GGTA1: variants seen among roughly 807,000 people sequenced by gnomAD.
GGTA1 encodes the protein inactive N-acetyllactosaminide alpha-1,3-galactosyltransferase.
A neutral mutation model predicts 2.6 loss-of-function variants in GGTA1; 5 were observed. The observed-to-expected ratio is 1.92, with a 90% CI of 1.00 to 4.04. The LOEUF is 4.04. Among genes scored for constraint, GGTA1 ranks in the 30% most tolerant of loss-of-function variants. GGTA1 has a pLI of 0.00. For synonymous variants in GGTA1, 17 were observed against 5.0 expected (o/e 3.38, Z -3.19); for missense variants, 50 against 16.7 (o/e 2.99, Z -3.47).
chr9:121,454,044 C>T (rs1018373591), downstream of GGTA1, among the ~76,000 whole-genome samples: 6 of 152,200 alleles, frequency 3.9e-5, no homozygotes, highest in Non-Finnish European at 8.8e-5. Flanking sequence ...CATTTCACCC[C>T]CAATGCTGAA....
intron 1 of GGTA1, among the ~76,000 whole-genome samples, chr9:121,490,283 T>C (rs148488660): frequency 1.3e-5 from 2 of 152,322 alleles, no homozygotes; most frequent in African/African-American, 4.8e-5. Flanking sequence ...CAGGTGGATT[T>C]TGAGTTTCAC....
chr9:121,481,236 A>G (rs10818554), intron 1 of GGTA1, among the ~76,000 whole-genome samples: 40,737 of 151,238 alleles, frequency 0.27, 6,027 homozygotes, highest in Middle Eastern at 0.37. Context: ...CAGGTAAATT[A>G]TCACCTAGTC....
At chr9:121,464,293 C>A (rs1357096933) in intron 2 of GGTA1, among the ~76,000 whole-genome samples, 1 of 150,890 alleles carries the variant, frequency 6.6e-6, no homozygotes, top group Admixed American at 6.6e-5. Context: ...GGATCCTCCT[C>A]CAAGCCAAAC....
At chr9:121,495,536 A>G (rs572660662) in intron 1 of GGTA1, among the ~76,000 whole-genome samples, 7 of 152,110 alleles carry the variant, frequency 4.6e-5, no homozygotes, top group Non-Finnish European at 1.0e-4. Flanking sequence ...AACAAGAGCA[A>G]AACTCCATCT....
intron 1 of GGTA1, among the ~76,000 whole-genome samples, chr9:121,491,570 C>G (rs1409486726): frequency 1.3e-5 from 2 of 152,040 alleles, no homozygotes; most frequent in African/African-American, 4.8e-5. Context: ...ACGCTCTGCA[C>G]TTCTTTGTGG....
intron 1 of GGTA1, among the ~76,000 whole-genome samples, chr9:121,495,028 A>C (rs1828960545): frequency 6.7e-6 from 1 of 149,660 alleles, no homozygotes; most frequent in African/African-American, 2.5e-5. Context: ...GGGTTCAAGC[A>C]ATTCTCATGC....
intron 1 of GGTA1, among the ~76,000 whole-genome samples, chr9:121,472,975 T>C (rs1361900684): frequency 6.6e-6 from 1 of 152,148 alleles, no homozygotes; most frequent in Non-Finnish European, 1.5e-5. Flanking sequence ...CTGGAGCTTA[T>C]CTATGGCTTG....
chr9:121,481,884 T>C (rs1281141301), intron 1 of GGTA1, among the ~76,000 whole-genome samples: 2 of 150,638 alleles, frequency 1.3e-5, no homozygotes, highest in Non-Finnish European at 3.0e-5. Flanking sequence ...TAATCCCAGC[T>C]ACTCAGGAGG....
At chr9:121,450,620 T>G (rs2064873836), downstream of GGTA1, among the ~76,000 whole-genome samples, 1 of 152,174 alleles carries the variant, frequency 6.6e-6, no homozygotes, top group Admixed American at 6.5e-5. Context: ...TTGGGCAACG[T>G]TTTGTTCTTT....
intron 1 of GGTA1, among the ~76,000 whole-genome samples, chr9:121,468,344 T>A (rs925273491): frequency 2.0e-5 from 3 of 152,218 alleles, no homozygotes; most frequent in Non-Finnish European, 4.4e-5. Context: ...GCAAAGGACA[T>A]GAACTCATCC....
downstream of GGTA1, among the ~76,000 whole-genome samples, chr9:121,450,567 T>TTGTGCAGAGTTGGAACTGGATGGC (rs2064873659): frequency 6.6e-6 from 1 of 152,206 alleles, no homozygotes; most frequent in Admixed American, 6.5e-5. Context: ...TACAGTTTAG[T>TTGTGCAGAGTTGGAACTGGATGGC]TGTGCAGAGT....
At chr9:121,471,464 G>C (rs1421621926) in intron 1 of GGTA1, among the ~76,000 whole-genome samples, 1 of 152,154 alleles carries the variant, frequency 6.6e-6, no homozygotes, top group African/African-American at 2.4e-5. Context: ...TTTGTTCTCT[G>C]GACACAGGTC....
In GGTA1 at chr9:121,499,122, G is replaced by T. The variant is rs984388132; in HGVS notation, c.-10+528C>A. ...CGTCTGACTGAGTCCTCGGCTCTCC[G>T]AAGCTCTCTGACATCTCCCTCTCTA... On this transcript the variant is annotated intron_variant, in intron 1 of 5. Transcript: ENST00000481799. Among the ~76,000 whole-genome samples, 14 of 151,952 alleles carry T rather than the reference G, an allele frequency of 9.2e-5. 1 individual carries two copies. Among genetic ancestry groups the T allele is most frequent in the African/African-American group, 3.4e-4 (14 of 41,386 alleles).
chr9:121,473,940 G>GGA lies in GGTA1; in HGVS notation c.-9-6011_-9-6010dup, dbSNP rs761577056. 8.1e-3 allele frequency among the ~76,000 whole-genome samples: 991 copies of GGA among 122,388 alleles called. 13 individuals are homozygous for GGA. Among genetic ancestry groups the GGA allele is most frequent in the Non-Finnish European group, 8.5e-3 (512 of 60,062 alleles). The allele number at this position is 122,388 out of a possible 152,430, so 80.3% of individuals were successfully genotyped here. A position where few individuals can be genotyped will look rare whatever the true frequency, so the allele number is the denominator to read the frequency against. On this transcript the variant is annotated intron_variant, in intron 1 of 5. Coordinates refer to ENST00000481799, the MANE Select transcript of GGTA1 (RefSeq NM_001382585.1). ...AAGAAAGAAAGAGAGAAAGAGAGAA[G>GGA]GAGAGAGAGAGAGAGAGAGGGAGGG... is the stretch of plus-strand genomic sequence containing the variant.
chr9:121,476,573 A>G lies in GGTA1; in HGVS notation c.-9-8642T>C, dbSNP rs1828515267. Among the ~76,000 whole-genome samples the G allele has an allele frequency of 6.6e-6, 1 of 151,976 alleles. No individual in the cohort carries two copies. The highest frequency in any genetic ancestry group is 1.5e-5 in the Non-Finnish European group (1 of 67,980). On this transcript the variant is annotated intron_variant, in intron 1 of 5. Transcript: ENST00000481799. The surrounding 1 kb of genome is among the most constrained non-coding windows in gnomAD (Gnocchi z 4.6). ...TTTTGAGGGCAGTTCTTTTAGCCACATAGAGCTCACCCTGCTGCAGTGACC... is the reference window on the plus strand; with the variant it reads ...TTTTGAGGGCAGTTCTTTTAGCCACGTAGAGCTCACCCTGCTGCAGTGACC...
At chr9:121,475,058 T>A (rs552028819) in intron 1 of GGTA1, among the ~76,000 whole-genome samples, 1 of 152,312 alleles carries the variant, frequency 6.6e-6, no homozygotes, top group South Asian at 2.1e-4. Flanking sequence ...CCCACTGGGC[T>A]GCATTCCCAG....
intron 2 of GGTA1, 60 bp downstream of exon 2, chr9:121,467,783 A>G (rs1374824180): frequency 2.3e-6 from 1 of 443,946 alleles, no homozygotes; most frequent in Non-Finnish European, 4.5e-6. Flanking sequence ...GGATGATACT[A>G]GTAGGATAGA....
chr9:121,499,360 G>A (rs1174307859), intron 1 of GGTA1, among the ~76,000 whole-genome samples: 2 of 151,962 alleles, frequency 1.3e-5, no homozygotes, highest in African/African-American at 4.8e-5. Flanking sequence ...CCCCAACCCC[G>A]CGGACCCGTG....
chr9:121,479,036 A>G (rs871671), intron 1 of GGTA1: 126,330 of 455,858 alleles, frequency 0.28, 19,051 homozygotes, highest in Non-Finnish European at 0.33. Context: ...GTGAGGTCCT[A>G]CCAGGGGAGC....
Sources: allele counts gnomAD v4.1 joint callset (sites outside exome capture counted in the v4.1 genomes callset), GRCh38; gene constraint gnomAD v4.1.1; non-coding constraint Gnocchi (gnomAD v3.1); transcripts MANE v1.5; gene names NCBI Gene and HGNC (gene_info 2026-07-23, HGNC 2026-07-21).